The following MAP9 variants were observed in gnomAD, a reference collection of about 807,000 sequenced individuals.
MAP9 encodes microtubule associated protein 9.
In MAP9, 80 loss-of-function variants were observed where a neutral mutation model predicts 75.2. That is an observed-to-expected ratio of 1.06 (90% confidence interval 0.89 to 1.28). The LOEUF is 1.28. MAP9 is among the 50% of genes most tolerant of loss of function. MAP9 has a pLI of 0.00. For missense variants in MAP9, 753 were observed against 719.9 expected (o/e 1.05, Z -0.53); for synonymous variants, 235 against 237.3 (o/e 0.99, Z 0.09).
intron 3 of MAP9, among the ~76,000 whole-genome samples, chr4:155,373,995 G>A (rs1415063176): frequency 6.6e-6 from 1 of 152,106 alleles, no homozygotes; most frequent in Admixed American, 6.6e-5. Context: ...TTTAACTGTG[G>A]TTATTACTGG....
intron 4 of MAP9, among the ~76,000 whole-genome samples, chr4:155,370,453 A>G (rs1732541828): frequency 6.6e-6 from 1 of 152,116 alleles, no homozygotes; most frequent in Non-Finnish European, 1.5e-5. Context: ...GTGTTTCTGA[A>G]ATGCTGGGCT....
In MAP9 at chr4:155,357,907, T is replaced by G. The variant is rs111797116; in HGVS notation, c.1051-388A>C. Among the ~76,000 whole-genome samples the G allele has an allele frequency of 1.3e-3, 195 of 151,986 alleles. 2 individuals carry two copies. The highest frequency in any genetic ancestry group is 4.6e-3 in the African/African-American group (190 of 41,446). On this transcript the variant is annotated intron_variant, in intron 7 of 13. Transcript: ENST00000311277. ...AAGAAACAGCAAGTGGGTAAAAGCCTGAGAAGGGACGGAACCTGTTATCTC... is the reference window on the plus strand; with the variant it reads ...AAGAAACAGCAAGTGGGTAAAAGCCGGAGAAGGGACGGAACCTGTTATCTC...
In MAP9 at chr4:155,351,865, G is replaced by A. The variant is rs962599105; in HGVS notation, c.1821+731C>T. Among the ~76,000 whole-genome samples the A allele has an allele frequency of 2.0e-5, 3 of 151,824 alleles. No homozygotes were observed. The East Asian group carries it at 5.8e-4, about 29-fold the overall frequency. ...GTGCAAAAATACTATAATTTTGGTT[G>A]CTGAATCATATGAATATGTTAACTA... On this transcript the variant is annotated intron_variant, in intron 13 of 13. Transcript: ENST00000311277.
At chr4:155,370,272 CATG>C (rs1361657181) in intron 4 of MAP9, among the ~76,000 whole-genome samples, 1 of 152,178 alleles carries the variant, frequency 6.6e-6, no homozygotes, top group Non-Finnish European at 1.5e-5. Context: ...TCACTGCTTC[CATG>C]ATATTTACAA....
At chr4:155,368,518 T>G (rs1166557281) in intron 5 of MAP9, 68 bp downstream of exon 5, 3 of 1,290,734 alleles carry the variant, frequency 2.3e-6, no homozygotes, top group Non-Finnish European at 1.1e-6. Context: ...TCTCCTTCTC[T>G]TTTTCATAAT....
At chr4:155,376,177 T>G (rs1732834351) in intron 1 of MAP9, among the ~76,000 whole-genome samples, 1 of 152,200 alleles carries the variant, frequency 6.6e-6, no homozygotes, top group African/African-American at 2.4e-5. Context: ...TACGACAAAA[T>G]GCTGCCAATT....
intron 5 of MAP9, among the ~76,000 whole-genome samples, chr4:155,365,777 T>C (rs1732294345): frequency 6.6e-6 from 1 of 151,776 alleles, no homozygotes; most frequent in Non-Finnish European, 1.5e-5. Flanking sequence ...AAAAAAGAGA[T>C]CACAATGATC....
Position 155,345,096 on chromosome 4 carries a change from C to T in MAP9, c.*2687G>A, listed in dbSNP as rs1731236064. ...CCTAAGGAAATATGGGAAAATCATA[C>T]CTTTTAAATAGGTAAATGTATATTC... On this transcript the variant is annotated 3_prime_UTR_variant, in exon 14 of 14. Transcript: ENST00000311277. 6.6e-6 allele frequency: 1 copy of T among 151,752 alleles called. No individual in the cohort carries two copies. Among genetic ancestry groups the T allele is most frequent in the African/African-American group, 2.4e-5 (1 of 41,330 alleles). 9.4% of individuals were successfully genotyped at this position (151,752 alleles called of 1,614,324 possible). A position where few individuals can be genotyped will look rare whatever the true frequency, so the allele number is the denominator to read the frequency against.
Position 155,370,329 on chromosome 4 carries a change from A to G in MAP9, c.482-1517T>C, listed in dbSNP as rs989007077. On this transcript the variant is annotated intron_variant, in intron 4 of 13. Transcript: ENST00000311277. ...TCACTCCTTTCTACAAAATTATTCAATGGCTCCCCATGATCCAATCCTACA... is the reference window on the plus strand; with the variant it reads ...TCACTCCTTTCTACAAAATTATTCAGTGGCTCCCCATGATCCAATCCTACA... Among the ~76,000 whole-genome samples, 6 of 152,206 alleles carry G rather than the reference A, an allele frequency of 3.9e-5. No homozygotes were observed. The East Asian group carries it at 1.2e-3, about 29-fold the overall frequency.
intron 3 of MAP9, among the ~76,000 whole-genome samples, 155 bp from the exon 4 acceptor site, chr4:155,373,611 A>G (rs1578864164): frequency 6.6e-6 from 1 of 152,330 alleles, no homozygotes; most frequent in South Asian, 2.1e-4. Context: ...AGCTCTAAAA[A>G]CACAGCTAAC....
At chr4:155,366,565 T>G (rs1732341998) in intron 5 of MAP9, among the ~76,000 whole-genome samples, 1 of 152,146 alleles carries the variant, frequency 6.6e-6, no homozygotes, top group South Asian at 2.1e-4. Flanking sequence ...TTAATAAAAC[T>G]AAGCAATGCC....
At chr4:155,348,801 T>A (rs1227455753) in intron 13 of MAP9, among the ~76,000 whole-genome samples, 3 of 152,206 alleles carry the variant, frequency 2.0e-5, no homozygotes, top group Non-Finnish European at 2.9e-5. Flanking sequence ...GCATCAAACA[T>A]TTTGCCTACC....
intron 5 of MAP9, among the ~76,000 whole-genome samples, chr4:155,366,539 T>C (rs545507474): frequency 5.7e-4 from 87 of 152,258 alleles, no homozygotes; most frequent in African/African-American, 2.0e-3. Context: ...AAAGCCGAAG[T>C]GGTTCTTAAA....
intron 9 of MAP9, among the ~76,000 whole-genome samples, chr4:155,355,430 A>G (rs191636728): frequency 6.6e-6 from 1 of 152,188 alleles, no homozygotes; most frequent in Non-Finnish European, 1.5e-5. Context: ...TCAAGAAGAA[A>G]AAAATGAAAA....
chr4:155,374,854 T>C, intron 3 of MAP9, 83 bp downstream of exon 3: 1 of 737,982 alleles, frequency 1.4e-6, no homozygotes, highest in Non-Finnish European at 2.2e-6. Context: ...ATTGAGGGGA[T>C]GGGTGGTTGG....
chr4:155,354,978 C>A, intron 10 of MAP9, 93 bp downstream of exon 10: 2 of 543,218 alleles, frequency 3.7e-6, no homozygotes, highest in South Asian at 2.5e-5. Flanking sequence ...GTTATTTTGC[C>A]ATTTAAAAAG....
chr4:155,350,014 G>C, intron 13 of MAP9: 2 of 234,094 alleles, frequency 8.5e-6, no homozygotes, highest in Non-Finnish European at 1.7e-5. Context: ...GGAAAACTGA[G>C]CTTTTTGCTT....
chr4:155,350,099 G>A, intron 13 of MAP9: 1 of 258,482 alleles, frequency 3.9e-6, no homozygotes. Context: ...CCTGATCTTT[G>A]GCTATTAACT....
intron 4 of MAP9, among the ~76,000 whole-genome samples, chr4:155,370,051 A>G (rs546449964): frequency 4.1e-4 from 62 of 152,246 alleles, no homozygotes; most frequent in African/African-American, 1.3e-3. Flanking sequence ...AACCATACCA[A>G]ATTGGTATTA....
Sources: allele counts gnomAD v4.1 joint callset (sites outside exome capture counted in the v4.1 genomes callset), GRCh38; gene constraint gnomAD v4.1.1; transcripts MANE v1.5; gene names NCBI Gene and HGNC (gene_info 2026-07-23, HGNC 2026-07-21).